Variants in MINDY2 observed in about 807,000 individuals in gnomAD.
MINDY2 encodes the protein ubiquitin carboxyl-terminal hydrolase MINDY-2.
MINDY2 carries 52 observed loss-of-function variants against 68.2 expected under a neutral mutation model. That is an observed-to-expected ratio of 0.76 (90% confidence interval 0.61 to 0.96). MINDY2 has a LOEUF of 0.96. Ranked by LOEUF, MINDY2 falls within the 40% of genes least tolerant of loss-of-function variation. The pLI is 0.00. For synonymous variants in MINDY2, 372 were observed against 303.0 expected, an observed-to-expected ratio of 1.23 and a Z score of -2.36; for missense variants, 881 against 773.4, an observed-to-expected ratio of 1.14 and a Z score of -1.65.
At chr15:58,797,952 C>T (rs1161216073) in intron 2 of MINDY2, among the ~76,000 whole-genome samples, 2 of 152,116 alleles carry the variant, frequency 1.3e-5, no homozygotes, top group African/African-American at 4.8e-5. Flanking sequence ...AAGAGGAAAC[C>T]AATGTTCAGA....
intron 6 of MINDY2, among the ~76,000 whole-genome samples, chr15:58,838,111 G>T (rs367267): frequency 0.014 from 2,067 of 151,802 alleles, 44 homozygotes; most frequent in African/African-American, 0.04. Flanking sequence ...TATACTTTCA[G>T]GCCAGGTGTG....
At chr15:58,833,332 T>C (rs769559285) in intron 6 of MINDY2, among the ~76,000 whole-genome samples, 2 of 152,304 alleles carry the variant, frequency 1.3e-5, no homozygotes, top group Admixed American at 6.5e-5. Context: ...TGCACTTTAC[T>C]GCCATATCTT....
intron 7 of MINDY2, among the ~76,000 whole-genome samples, chr15:58,848,754 A>G (rs1169710929): frequency 6.6e-6 from 1 of 152,200 alleles, no homozygotes; most frequent in Non-Finnish European, 1.5e-5. Context: ...TCAAAACAAA[A>G]AAAAGAATAT....
chr15:58,842,892 C>T (rs2032349858), intron 6 of MINDY2, among the ~76,000 whole-genome samples: 1 of 152,116 alleles, frequency 6.6e-6, no homozygotes, highest in South Asian at 2.1e-4. Flanking sequence ...TCCAGTGTGA[C>T]TTTCAAGTCC....
At position 58,856,096 on chromosome 15, in the gene MINDY2, G is replaced by A. The variant is rs1177407299; in HGVS notation, c.*1486G>A. Reference sequence around the variant, plus strand: ...TTCCTGTGTTTCTATATATAGTTTGGAAAACTATCCTTAATAGTCTGTTTT... The same window carrying A: ...TTCCTGTGTTTCTATATATAGTTTGAAAAACTATCCTTAATAGTCTGTTTT... On this transcript the variant is annotated 3_prime_UTR_variant, in exon 9 of 9. Transcript: ENST00000559228. The A allele has an allele frequency of 6.6e-6, 1 of 152,592 alleles. No homozygotes were observed. Among genetic ancestry groups the A allele is most frequent in the Non-Finnish European group, 1.5e-5 (1 of 68,024 alleles). The allele number at this position is 152,592 out of a possible 1,614,324, so 9.5% of individuals were successfully genotyped here.
chr15:58,844,040 T>A (rs1196837235), intron 6 of MINDY2, among the ~76,000 whole-genome samples: 3 of 152,096 alleles, frequency 2.0e-5, no homozygotes, highest in Non-Finnish European at 4.4e-5. Flanking sequence ...TTTTTCAGTA[T>A]TTTAAAAACT....
intron 1 of MINDY2, among the ~76,000 whole-genome samples, chr15:58,772,448 T>G (rs1484899747): frequency 6.6e-6 from 1 of 152,222 alleles, no homozygotes; most frequent in Non-Finnish European, 1.5e-5. Context: ...TCTCTTGTAG[T>G]GTTTAAGAGT....
At chr15:58,844,919 TAAA>T (rs35379834) in intron 6 of MINDY2, among the ~76,000 whole-genome samples, 5 of 67,834 alleles carry the variant, frequency 7.4e-5, no homozygotes, top group Non-Finnish European at 5.6e-5. Context: ...AGACCCTGCC[TAAA>T]AAAAAAAAAA....
intron 7 of MINDY2, among the ~76,000 whole-genome samples, chr15:58,849,720 A>G (rs1343647298): frequency 3.3e-5 from 5 of 152,184 alleles, no homozygotes; most frequent in Non-Finnish European, 5.9e-5. Context: ...TGCTATATAT[A>G]TGACAAGATC....
chr15:58,787,140 C>CT (rs58374538), intron 1 of MINDY2, among the ~76,000 whole-genome samples: 41,059 of 78,138 alleles, frequency 0.53, 12,881 homozygotes, highest in Middle Eastern at 0.66. Context: ...CATTTCTTTA[C>CT]TTTTTTTTTT....
chr15:58,848,714 C>G (rs1276110141), intron 7 of MINDY2, among the ~76,000 whole-genome samples: 7 of 152,088 alleles, frequency 4.6e-5, no homozygotes, highest in African/African-American at 1.7e-4. Flanking sequence ...CCACTGCACT[C>G]CAGCCTGGGC....
At chr15:58,820,721 T>C (rs1248080397) in intron 4 of MINDY2, among the ~76,000 whole-genome samples, 3 of 152,156 alleles carry the variant, frequency 2.0e-5, no homozygotes, top group Non-Finnish European at 4.4e-5. Context: ...GAAATTCTTT[T>C]ACATCTTTTT....
At chr15:58,831,453 A>G (rs1408754186) in intron 5 of MINDY2, among the ~76,000 whole-genome samples, 2 of 152,124 alleles carry the variant, frequency 1.3e-5, no homozygotes, top group African/African-American at 4.8e-5. Context: ...ACTTGCTTTC[A>G]TGGCTTTTAG....
intron 5 of MINDY2, 52 bp from the exon 6 acceptor site, chr15:58,831,722 T>G (rs2031735301): frequency 5.9e-6 from 9 of 1,530,390 alleles, no homozygotes; most frequent in Non-Finnish European, 8.0e-6. Flanking sequence ...AAAGAATAAC[T>G]TTTTGATTTT....
At chr15:58,801,440 G>A (rs1293026486) in intron 2 of MINDY2, among the ~76,000 whole-genome samples, 1 of 133,470 alleles carries the variant, frequency 7.5e-6, no homozygotes. Flanking sequence ...AAAATTCAAA[G>A]AAAAAAGTAT....
chr15:58,845,200 A>T (rs1476196071), intron 6 of MINDY2, among the ~76,000 whole-genome samples: 1 of 151,486 alleles, frequency 6.6e-6, no homozygotes, highest in Admixed American at 6.6e-5. Flanking sequence ...GAGGTCAGGA[A>T]TTCGAGACCA....
intron 5 of MINDY2, among the ~76,000 whole-genome samples, chr15:58,825,810 T>C (rs2031359124): frequency 6.6e-6 from 1 of 152,188 alleles, no homozygotes; most frequent in Non-Finnish European, 1.5e-5. Flanking sequence ...TTCACCATGT[T>C]GCCCAGGCTG....
chr15:58,859,960 G>C lies in MINDY2; in HGVS notation c.*5350G>C, dbSNP rs911483948. The C allele has an allele frequency of 9.2e-5, 14 of 152,166 alleles. No individual in the cohort carries two copies. In the East Asian group the frequency reaches 2.1e-3, roughly 23 times the overall value. The allele number at this position is 152,166 out of a possible 1,614,324, so 9.4% of individuals were successfully genotyped here. The stretch of plus-strand genomic sequence containing the variant: ...GATTTAGACTTGTCTGCCTAACACA[G>C]GTATTTTTTAGGGCATCGTACTATC... On this transcript the variant is annotated 3_prime_UTR_variant, in exon 9 of 9. Transcript: ENST00000559228.
chr15:58,833,895 C>G (rs57285066), intron 6 of MINDY2, among the ~76,000 whole-genome samples: 4,952 of 152,146 alleles, frequency 0.033, 291 homozygotes, highest in African/African-American at 0.11. Flanking sequence ...GTCGGGCTGC[C>G]GGACGGTCAG....
Sources: gnomAD v4.1 joint callset for allele counts (sites outside exome capture counted in the v4.1 genomes callset) on GRCh38, gnomAD v4.1.1 for gene constraint, MANE v1.5 for transcripts, NCBI Gene and HGNC (gene_info 2026-07-23, HGNC 2026-07-21) for gene names.